CYBRD1: variants seen among roughly 807,000 people sequenced by gnomAD.
CYBRD1 encodes plasma membrane ascorbate-dependent reductase CYBRD1.
Under a neutral mutation model 21.9 loss-of-function variants are expected in CYBRD1, and 14 were observed. The observed-to-expected ratio is 0.64, with a 90% CI of 0.42 to 1.00. The LOEUF is 1.00. Among genes scored for constraint, CYBRD1 ranks in the 50% least tolerant of loss-of-function variants. The pLI is 0.00. For synonymous variants in CYBRD1, 146 were observed against 136.5 expected (o/e 1.07, Z -0.48); for missense variants, 328 against 352.5 (o/e 0.93, Z 0.56).
intron 2 of CYBRD1, among the ~76,000 whole-genome samples, chr2:171,551,591 T>C (rs1683376508): frequency 6.6e-6 from 1 of 152,176 alleles, no homozygotes; most frequent in South Asian, 2.1e-4. Context: ...CAAAAATCTA[T>C]TAGGATTTTA....
At chr2:171,554,443 T>C in intron 3 of CYBRD1, 81 bp from the exon 4 acceptor site, 5 of 1,458,342 alleles carry the variant, frequency 3.4e-6, no homozygotes, top group Non-Finnish European at 4.8e-6. Context: ...CTAGTGTGCA[T>C]TTTGAGCAGA....
intron 2 of CYBRD1, among the ~76,000 whole-genome samples, chr2:171,552,668 C>A (rs1008910477): frequency 6.6e-6 from 1 of 152,146 alleles, no homozygotes; most frequent in Admixed American, 6.6e-5. Flanking sequence ...ACCGTGAAAG[C>A]GCAACAGACT....
chr2:171,542,154 G>A (rs574532069), intron 2 of CYBRD1, among the ~76,000 whole-genome samples: 26 of 152,116 alleles, frequency 1.7e-4, no homozygotes, highest in South Asian at 4.2e-4. Context: ...GTGAGCCACC[G>A]CGCCCAGTGA....
At chr2:171,529,330 G>A (rs950198285) in intron 1 of CYBRD1, among the ~76,000 whole-genome samples, 10 of 152,014 alleles carry the variant, frequency 6.6e-5, no homozygotes, top group Non-Finnish European at 1.2e-4. Context: ...TCGGGAGTTC[G>A]AGACCAGCCT....
intron 1 of CYBRD1, chr2:171,540,920 A>G (rs1697621466): frequency 6.5e-6 from 1 of 153,316 alleles, no homozygotes; most frequent in Non-Finnish European, 1.5e-5. Flanking sequence ...ATGCCACCCC[A>G]TGCCTGGCTA....
At chr2:171,536,193 C>T (rs1356311030) in intron 1 of CYBRD1, among the ~76,000 whole-genome samples, 1 of 136,158 alleles carries the variant, frequency 7.3e-6, no homozygotes, top group African/African-American at 2.8e-5. Flanking sequence ...GGGTGGAGTG[C>T]AATGGTGCGA....
Position 171,554,885 on chromosome 2 carries a change from G to A in CYBRD1, c.*58G>A, listed in dbSNP as rs923947633. ...GTTTCAAAACTAGCTCTACAGTTTT[G>A]CTTCTCCTATTAGCCATATGATAAT... On this transcript the variant is annotated 3_prime_UTR_variant, in exon 4 of 4. Coordinates refer to ENST00000321348, the MANE Select transcript of CYBRD1 (RefSeq NM_024843.4). The A allele has an allele frequency of 2.0e-5, 32 of 1,573,082 alleles. No individual in the cohort carries two copies. The highest frequency in any genetic ancestry group is 2.6e-5 in the Non-Finnish European group (30 of 1,147,952).
At chr2:171,545,803 A>G (rs1024332388) in intron 2 of CYBRD1, among the ~76,000 whole-genome samples, 2 of 152,074 alleles carry the variant, frequency 1.3e-5, no homozygotes, top group African/African-American at 4.8e-5. Flanking sequence ...TAATTGGGAT[A>G]CCCATTATTT....
intron 1 of CYBRD1, among the ~76,000 whole-genome samples, chr2:171,540,499 C>T (rs1357296852): frequency 1.3e-5 from 2 of 151,972 alleles, no homozygotes; most frequent in South Asian, 2.1e-4. Context: ...GGCATATACC[C>T]GAGAGTGAAA....
intron 2 of CYBRD1, among the ~76,000 whole-genome samples, chr2:171,553,060 A>C (rs1301047880): frequency 2.6e-5 from 4 of 152,232 alleles, no homozygotes; most frequent in Admixed American, 6.5e-5. Flanking sequence ...GGAATAAATT[A>C]GGTAAATGTA....
chr2:171,539,143 A>G (rs1697591310), intron 1 of CYBRD1, among the ~76,000 whole-genome samples: 1 of 152,122 alleles, frequency 6.6e-6, no homozygotes, highest in African/African-American at 2.4e-5. Context: ...TTAAAATTAT[A>G]AAAGCCTTTG....
intron 1 of CYBRD1, among the ~76,000 whole-genome samples, chr2:171,539,014 T>C (rs1051232099): frequency 6.6e-6 from 1 of 152,068 alleles, no homozygotes; most frequent in Non-Finnish European, 1.5e-5. Context: ...GCCAGGCTTG[T>C]CTCGAACTCC....
chr2:171,541,909 G>C, intron 2 of CYBRD1, 116 bp downstream of exon 2: 2 of 903,628 alleles, frequency 2.2e-6, no homozygotes, highest in Non-Finnish European at 3.3e-6. Context: ...TAGCCACCCA[G>C]GCTGGAGTGC....
chr2:171,551,398 T>G (rs950948880), intron 2 of CYBRD1, among the ~76,000 whole-genome samples: 1 of 152,078 alleles, frequency 6.6e-6, no homozygotes, highest in Admixed American at 6.5e-5. Flanking sequence ...ATTCAGGCAT[T>G]TTGGTTATTA....
At chr2:171,523,104 C>T (rs997903948) in intron 1 of CYBRD1, 23 of 329,976 alleles carry the variant, frequency 7.0e-5, no homozygotes, top group African/African-American at 5.3e-4. Flanking sequence ...GGCGCGATGC[C>T]GGAGCGCCGC....
At chr2:171,529,791 A>G (rs1206094007) in intron 1 of CYBRD1, among the ~76,000 whole-genome samples, 1 of 152,102 alleles carries the variant, frequency 6.6e-6, no homozygotes, top group African/African-American at 2.4e-5. Flanking sequence ...CATAGGAACC[A>G]CTGTCTTTTG....
At chr2:171,528,371 C>T (rs937162421) in intron 1 of CYBRD1, among the ~76,000 whole-genome samples, 4 of 152,156 alleles carry the variant, frequency 2.6e-5, no homozygotes, top group African/African-American at 9.7e-5. Context: ...AAGTGTGAGC[C>T]ACCACGTCTG....
chr2:171,533,674 G>T (rs1410611054), intron 1 of CYBRD1, among the ~76,000 whole-genome samples: 1 of 152,122 alleles, frequency 6.6e-6, no homozygotes, highest in Non-Finnish European at 1.5e-5. Context: ...TCAAACCAGA[G>T]ATTACATTTT....
chr2:171,530,067 A>G (rs1226221636), intron 1 of CYBRD1, among the ~76,000 whole-genome samples: 2 of 152,204 alleles, frequency 1.3e-5, no homozygotes, highest in East Asian at 1.9e-4. Context: ...GAAGAAGGCT[A>G]TGTGAAGACA....
Sources: gnomAD v4.1 joint callset for allele counts (sites outside exome capture counted in the v4.1 genomes callset) on GRCh38, gnomAD v4.1.1 for gene constraint, MANE v1.5 for transcripts, NCBI Gene and HGNC (gene_info 2026-07-23, HGNC 2026-07-21) for gene names.